Variants in FOXP1 observed in about 807,000 individuals in gnomAD.
The protein encoded by FOXP1 is forkhead box protein P1.
Under a neutral mutation model 98.2 loss-of-function variants are expected in FOXP1, and 15 were observed. The ratio of observed to expected loss-of-function variants is 0.15; its 90% CI spans 0.10 to 0.24. The LOEUF (loss-of-function observed/expected upper bound fraction) is 0.24, where lower values mean the gene tolerates loss of function less well. FOXP1 is among the 10% of genes least tolerant of loss of function. The pLI, the probability that FOXP1 is intolerant of heterozygous loss-of-function variation, is 1.00. For synonymous variants in FOXP1, 371 were observed against 314.5 expected, an observed-to-expected ratio of 1.18 and a Z score of -1.90; for missense variants, 633 against 848.5, an observed-to-expected ratio of 0.75 and a Z score of 3.15.
chr3:71,174,785 T>TACACACACACACACAC lies in FOXP1; in HGVS notation c.180+23401_180+23416dup, dbSNP rs3064896. Among the ~76,000 whole-genome samples, 524 of 131,730 alleles carry TACACACACACACACAC rather than the reference T, an allele frequency of 4.0e-3. 5 individuals carry two copies. Among genetic ancestry groups the TACACACACACACACAC allele is most frequent in the Non-Finnish European group, 4.6e-3 (281 of 60,828 alleles). 86.4% of individuals were successfully genotyped at this position (131,730 alleles called of 152,430 possible). The stretch of plus-strand genomic sequence containing the variant: ...CGAATACACAATGTATGCACATGCA[T>TACACACACACACACAC]ACACACACACACACACACACACACA... On this transcript the variant is annotated intron_variant, in intron 6 of 20. Transcript: ENST00000649528.
At chr3:71,202,348 T>C (rs1371824205) in intron 5 of FOXP1, among the ~76,000 whole-genome samples, 1 of 152,186 alleles carries the variant, frequency 6.6e-6, no homozygotes, top group Non-Finnish European at 1.5e-5. Context: ...CCCACACCAA[T>C]CAGGAGAAAA....
intron 2 of FOXP1, among the ~76,000 whole-genome samples, chr3:71,500,690 C>T (rs1244436275): frequency 6.6e-6 from 1 of 152,200 alleles, no homozygotes; most frequent in East Asian, 1.9e-4. Context: ...CTTCAAGCAA[C>T]TAAAAAAGAA....
chr3:71,382,872 T>C (rs1657813294), intron 3 of FOXP1, among the ~76,000 whole-genome samples: 5 of 152,218 alleles, frequency 3.3e-5, no homozygotes, highest in Admixed American at 3.3e-4. Flanking sequence ...TTGGATGGCA[T>C]CTTCTAATCC....
At chr3:71,166,547 T>C (rs1007205812) in intron 6 of FOXP1, among the ~76,000 whole-genome samples, 2 of 152,220 alleles carry the variant, frequency 1.3e-5, no homozygotes, top group African/African-American at 4.8e-5. Context: ...TTTATTTTAA[T>C]AGGAGCAACT....
chr3:71,551,961 G>GC (rs2045813444), intron 2 of FOXP1, among the ~76,000 whole-genome samples: 2 of 152,088 alleles, frequency 1.3e-5, no homozygotes. Context: ...AGCATTTAGT[G>GC]CCTTTATTTT....
chr3:71,576,531 C>CTT (rs1466644393), intron 2 of FOXP1, among the ~76,000 whole-genome samples: 1 of 152,100 alleles, frequency 6.6e-6, no homozygotes, highest in Non-Finnish European at 1.5e-5. Flanking sequence ...TGCCCAGATA[C>CTT]TTTAATATAA....
intron 4 of FOXP1, chr3:71,333,062 A>T (rs1435282174): frequency 6.6e-6 from 1 of 152,248 alleles, no homozygotes; most frequent in East Asian, 1.9e-4. Flanking sequence ...TCTAGTGCTT[A>T]TGAACTCTCA....
chr3:71,300,346 T>C (rs910798752), intron 4 of FOXP1, among the ~76,000 whole-genome samples: 33 of 152,338 alleles, frequency 2.2e-4, no homozygotes, highest in African/African-American at 7.9e-4. Context: ...ACTTCGGACC[T>C]TTCAAAATGA....
chr3:71,189,069 C>G (rs528678386), intron 6 of FOXP1, among the ~76,000 whole-genome samples: 1 of 152,304 alleles, frequency 6.6e-6, no homozygotes, highest in East Asian at 1.9e-4. Flanking sequence ...TTTAAATACA[C>G]AAAGAAGACT....
intron 2 of FOXP1, among the ~76,000 whole-genome samples, chr3:71,531,403 C>A (rs918561949): frequency 6.6e-6 from 1 of 152,092 alleles, no homozygotes; most frequent in Admixed American, 6.6e-5. Context: ...TGCTATTCTA[C>A]GGGAAGAAAC....
intron 6 of FOXP1, among the ~76,000 whole-genome samples, chr3:71,118,660 C>T (rs2058549105): frequency 6.6e-6 from 1 of 152,126 alleles, no homozygotes; most frequent in African/African-American, 2.4e-5. Flanking sequence ...GCCCGTGGAC[C>T]AAATTCGGTC....
intron 7 of FOXP1, among the ~76,000 whole-genome samples, chr3:71,075,130 T>G (rs753391437): frequency 6.6e-6 from 1 of 152,216 alleles, no homozygotes; most frequent in Non-Finnish European, 1.5e-5. Flanking sequence ...GAATTCAGCA[T>G]GGTGACTCTG....
intron 2 of FOXP1, among the ~76,000 whole-genome samples, chr3:71,576,872 G>A (rs142579040): frequency 3.3e-5 from 5 of 152,232 alleles, no homozygotes; most frequent in East Asian, 3.9e-4. Flanking sequence ...TTCTCACAGC[G>A]GCTGGCTAGA....
At chr3:71,095,119 T>C (rs2056328509) in intron 7 of FOXP1, among the ~76,000 whole-genome samples, 1 of 152,278 alleles carries the variant, frequency 6.6e-6, no homozygotes, top group Admixed American at 6.5e-5. Context: ...GAAATATTTA[T>C]TTTCAAATTC....
intron 4 of FOXP1, among the ~76,000 whole-genome samples, chr3:71,340,177 T>C (rs2076930145): frequency 6.6e-6 from 1 of 152,224 alleles, no homozygotes; most frequent in South Asian, 2.1e-4. Context: ...AGAACAAATT[T>C]ACAATACTGC....
intron 18 of FOXP1, 85 bp from the exon 19 acceptor site, chr3:70,970,890 G>A: frequency 9.4e-7 from 1 of 1,064,356 alleles, no homozygotes; most frequent in South Asian, 1.3e-5. Context: ...GCTTGCTGGT[G>A]CCCTTCCAAA....
chr3:70,959,443 C>T, intron 20 of FOXP1, 52 bp from the exon 21 acceptor site: 1 of 1,609,374 alleles, frequency 6.2e-7, no homozygotes, highest in Non-Finnish European at 8.5e-7. Flanking sequence ...CCCATTGCAG[C>T]TCAGGTGCAC....
At position 71,477,291 on chromosome 3, in the gene FOXP1, A is replaced by C. The variant is rs148103039; in HGVS notation, c.-168+16135T>G. Among the ~76,000 whole-genome samples the C allele has an allele frequency of 8.4e-3, 1,285 of 152,312 alleles. 16 individuals carry two copies. The highest frequency in any genetic ancestry group is 0.03 in the African/African-American group (1,229 of 41,562). On this transcript the variant is annotated intron_variant, in intron 3 of 20. Transcript: ENST00000649528. ...CAGATGCTCAAATTCTGAACACTTA[A>C]ATCCCTTTGCATTTCCATAGAATTC...
intron 6 of FOXP1, among the ~76,000 whole-genome samples, chr3:71,195,935 C>G (rs2063274028): frequency 6.6e-6 from 1 of 152,184 alleles, no homozygotes; most frequent in Non-Finnish European, 1.5e-5. Flanking sequence ...TATTTTCAGG[C>G]CTGTAGTTTT....
Sources: gnomAD v4.1 joint callset for allele counts (sites outside exome capture counted in the v4.1 genomes callset) on GRCh38, gnomAD v4.1.1 for gene constraint, MANE v1.5 for transcripts, NCBI Gene and HGNC (gene_info 2026-07-23, HGNC 2026-07-21) for gene names.